PAK5: variants seen among roughly 807,000 people sequenced by gnomAD.
The protein encoded by PAK5 is serine/threonine-protein kinase PAK 5.
A neutral mutation model predicts 65.9 loss-of-function variants in PAK5; 16 were observed. The ratio of observed to expected loss-of-function variants is 0.24; its 90% CI spans 0.16 to 0.37. The LOEUF is 0.37. Among genes scored for constraint, PAK5 ranks in the 10% least tolerant of loss-of-function variants. The pLI is 1.00. For synonymous variants in PAK5, 371 were observed against 354.9 expected (o/e 1.05, Z -0.51); for missense variants, 785 against 903.9 (o/e 0.87, Z 1.69).
intron 2 of PAK5, among the ~76,000 whole-genome samples, chr20:9,659,215 A>T (rs540645848): frequency 6.6e-6 from 1 of 152,348 alleles, no homozygotes; most frequent in Admixed American, 6.5e-5. Flanking sequence ...GTCAAGTTTA[A>T]CAACATCAGA....
intron 1 of PAK5, among the ~76,000 whole-genome samples, chr20:9,800,108 A>C (rs971233512): frequency 6.6e-5 from 10 of 152,126 alleles, no homozygotes; most frequent in African/African-American, 2.2e-4. Context: ...CCTTCCTAAT[A>C]AAATAGAACT....
At chr20:9,658,653 A>T (rs956556095) in intron 2 of PAK5, among the ~76,000 whole-genome samples, 1 of 152,202 alleles carries the variant, frequency 6.6e-6, no homozygotes, top group Non-Finnish European at 1.5e-5. Flanking sequence ...AATAAGTAAC[A>T]GTGGCATGCT....
intron 2 of PAK5, among the ~76,000 whole-genome samples, chr20:9,684,135 A>T (rs984771583): frequency 2.0e-5 from 3 of 152,204 alleles, no homozygotes; most frequent in Non-Finnish European, 4.4e-5. Flanking sequence ...GGGAATTTGG[A>T]CTGTTTGTCA....
chr20:9,591,905 A>G (rs928800254), intron 3 of PAK5, among the ~76,000 whole-genome samples: 3 of 152,194 alleles, frequency 2.0e-5, no homozygotes, highest in Non-Finnish European at 4.4e-5. Flanking sequence ...GGCATAATAA[A>G]TGTTAAGAAA....
chr20:9,558,460 AG>A (rs887581834), intron 6 of PAK5, among the ~76,000 whole-genome samples: 2 of 152,156 alleles, frequency 1.3e-5, no homozygotes, highest in African/African-American at 4.8e-5. Context: ...ACAAGCCTCC[AG>A]GGTCCCACAG....
chr20:9,600,959 CT>C (rs2046349306), intron 3 of PAK5, among the ~76,000 whole-genome samples: 1 of 152,164 alleles, frequency 6.6e-6, no homozygotes, highest in South Asian at 2.1e-4. Context: ...GGACCCAGAA[CT>C]TCTCTTCTGG....
chr20:9,617,455 A>T (rs1474065662), intron 3 of PAK5, among the ~76,000 whole-genome samples: 1 of 152,120 alleles, frequency 6.6e-6, no homozygotes, highest in African/African-American at 2.4e-5. Flanking sequence ...AACAGCTAGC[A>T]CAGTTAAGCG....
chr20:9,835,191 T>C (rs1979049045), intron 1 of PAK5, among the ~76,000 whole-genome samples: 3 of 152,212 alleles, frequency 2.0e-5, no homozygotes, highest in Admixed American at 2.0e-4. Context: ...CAAAAGTTCA[T>C]TGAGCACCTT....
At chr20:9,587,756 A>C (rs60476692) in intron 3 of PAK5, among the ~76,000 whole-genome samples, 2,266 of 152,224 alleles carry the variant, frequency 0.015, 46 homozygotes, top group African/African-American at 0.051. Flanking sequence ...CTGTGTATAC[A>C]ATGGGGTTAA....
chr20:9,756,018 T>C (rs903595019), intron 1 of PAK5, among the ~76,000 whole-genome samples: 1 of 152,148 alleles, frequency 6.6e-6, no homozygotes, highest in Non-Finnish European at 1.5e-5. Context: ...GTTTCATCAC[T>C]GAGGGGCCAC....
intron 1 of PAK5, among the ~76,000 whole-genome samples, chr20:9,753,709 T>G (rs750811049): frequency 1.3e-5 from 2 of 152,162 alleles, no homozygotes; most frequent in African/African-American, 2.4e-5. Context: ...ATATATTTCT[T>G]ATGTTTTGCC....
intron 2 of PAK5, among the ~76,000 whole-genome samples, chr20:9,683,968 C>G (rs770314540): frequency 6.6e-6 from 1 of 152,206 alleles, no homozygotes; most frequent in Non-Finnish European, 1.5e-5. Flanking sequence ...TCTTTCTCCT[C>G]ACATGCCAGT....
intron 1 of PAK5, among the ~76,000 whole-genome samples, chr20:9,811,144 A>C (rs1350841255): frequency 6.6e-6 from 1 of 152,186 alleles, no homozygotes; most frequent in Non-Finnish European, 1.5e-5. Context: ...GAGCAAAATG[A>C]GCTCCAGATT....
chr20:9,540,513 C>CT (rs2122878064), intron 9 of PAK5, among the ~76,000 whole-genome samples: 1 of 152,250 alleles, frequency 6.6e-6, no homozygotes, highest in South Asian at 2.1e-4. Context: ...AGTGTTGTAT[C>CT]TGTGAGATTC....
intron 1 of PAK5, among the ~76,000 whole-genome samples, chr20:9,731,094 G>C (rs1048550572): frequency 6.6e-6 from 1 of 151,984 alleles, no homozygotes; most frequent in African/African-American, 2.4e-5. Flanking sequence ...ATATCCCCTT[G>C]GTGAAGAAAC....
chr20:9,807,156 C>T (rs1300820561), intron 1 of PAK5, among the ~76,000 whole-genome samples: 1 of 152,166 alleles, frequency 6.6e-6, no homozygotes, highest in African/African-American at 2.4e-5. Flanking sequence ...AGATCCTTAA[C>T]TTAATCATAT....
At chr20:9,685,127 GA>G (rs2047700562) in intron 2 of PAK5, among the ~76,000 whole-genome samples, 1 of 152,156 alleles carries the variant, frequency 6.6e-6, no homozygotes, top group Admixed American at 6.5e-5. Flanking sequence ...TCAGGCTTGT[GA>G]CACATGTTCT....
intron 1 of PAK5, among the ~76,000 whole-genome samples, chr20:9,760,673 C>CTTTTTT (rs5840332): frequency 1.1e-3 from 134 of 122,658 alleles, no homozygotes; most frequent in African/African-American, 1.3e-3. Flanking sequence ...CTTTTCTTTT[C>CTTTTTT]TTTTTTTTTT....
At chr20:9,645,476 A>C (rs1229351073) in intron 2 of PAK5, among the ~76,000 whole-genome samples, 3 of 152,250 alleles carry the variant, frequency 2.0e-5, no homozygotes, top group Admixed American at 2.0e-4. Context: ...GAATCCTTAC[A>C]ACACTGCATG....
Sources: allele counts gnomAD v4.1 joint callset (sites outside exome capture counted in the v4.1 genomes callset), GRCh38; gene constraint gnomAD v4.1.1; transcripts MANE v1.5; gene names NCBI Gene and HGNC (gene_info 2026-07-23, HGNC 2026-07-21).